The following SNTG1 variants were observed in gnomAD, a reference collection of about 807,000 sequenced individuals.
SNTG1 encodes the protein syntrophin gamma 1, also known as gamma-1-syntrophin.
Under a neutral mutation model 74.7 loss-of-function variants are expected in SNTG1, and 39 were observed. The observed-to-expected ratio is 0.52, with a 90% CI of 0.40 to 0.68. SNTG1 has a LOEUF of 0.68. Ranked by LOEUF, SNTG1 falls within the 30% of genes least tolerant of loss-of-function variation. SNTG1 has a pLI of 0.00. For missense variants in SNTG1, 685 were observed against 609.5 expected (o/e 1.12, Z -1.30); for synonymous variants, 254 against 217.1 (o/e 1.17, Z -1.49).
intron 11 of SNTG1, among the ~76,000 whole-genome samples, chr8:50,541,137 T>C (rs1281027113): frequency 6.6e-6 from 1 of 152,108 alleles, no homozygotes. Flanking sequence ...TGGGAAATAG[T>C]ATTTTCATTT....
At chr8:50,256,121 C>T (rs988909003) in intron 2 of SNTG1, among the ~76,000 whole-genome samples, 2 of 152,128 alleles carry the variant, frequency 1.3e-5, no homozygotes, top group African/African-American at 4.8e-5. Context: ...TAGGATTTCT[C>T]TTCACCGACA....
At chr8:50,221,112 C>T (rs1206205010) in intron 2 of SNTG1, among the ~76,000 whole-genome samples, 1 of 151,984 alleles carries the variant, frequency 6.6e-6, no homozygotes, top group African/African-American at 2.4e-5. Flanking sequence ...CATTAAAACT[C>T]CTATATATTT....
chr8:50,491,784 T>C (rs1259240293), intron 8 of SNTG1, among the ~76,000 whole-genome samples: 2 of 152,094 alleles, frequency 1.3e-5, no homozygotes, highest in Non-Finnish European at 2.9e-5. Flanking sequence ...GTTTGTTACA[T>C]AGGTATACTT....
intron 2 of SNTG1, among the ~76,000 whole-genome samples, chr8:50,307,252 G>C (rs2089938523): frequency 6.6e-6 from 1 of 151,912 alleles, no homozygotes; most frequent in Non-Finnish European, 1.5e-5. Context: ...AGACTAATGG[G>C]TCTTAGGATA....
At chr8:50,559,627 A>G (rs952165218) in intron 12 of SNTG1, among the ~76,000 whole-genome samples, 3 of 152,190 alleles carry the variant, frequency 2.0e-5, no homozygotes, top group Non-Finnish European at 4.4e-5. Flanking sequence ...AGAACTTGGA[A>G]AGGATTCCCT....
intron 4 of SNTG1, among the ~76,000 whole-genome samples, chr8:50,432,258 GA>G (rs998545479): frequency 6.6e-6 from 1 of 151,524 alleles, no homozygotes; most frequent in African/African-American, 2.4e-5. Context: ...CTGTTTGTTG[GA>G]AAAAAATATC....
intron 17 of SNTG1, among the ~76,000 whole-genome samples, chr8:50,719,582 GT>G (rs1275270147): frequency 1.3e-5 from 2 of 152,114 alleles, no homozygotes; most frequent in Admixed American, 6.5e-5. Context: ...ACAAAACAAA[GT>G]TTTTTGCTAT....
intron 1 of SNTG1, among the ~76,000 whole-genome samples, chr8:49,992,714 T>C (rs1278102849): frequency 2.0e-5 from 3 of 152,220 alleles, no homozygotes; most frequent in Non-Finnish European, 4.4e-5. Flanking sequence ...ATTAAATGCT[T>C]TGCCATCGCT....
intron 17 of SNTG1, among the ~76,000 whole-genome samples, chr8:50,735,553 TGTGAA>T (rs1174376724): frequency 6.6e-6 from 1 of 151,696 alleles, no homozygotes; most frequent in African/African-American, 2.4e-5. Flanking sequence ...TGAAATAAAG[TGTGAA>T]GACAAGATTA....
At chr8:50,469,920 A>G (rs9969544) in intron 8 of SNTG1, among the ~76,000 whole-genome samples, 110,186 of 152,096 alleles carry the variant, frequency 0.72, 41,531 homozygotes, top group East Asian at 0.85. Flanking sequence ...AGAGGTTGCA[A>G]TGAGCCAAGA....
chr8:50,274,501 A>C (rs1408711489), intron 2 of SNTG1, among the ~76,000 whole-genome samples: 3 of 152,138 alleles, frequency 2.0e-5, no homozygotes, highest in Non-Finnish European at 4.4e-5. Flanking sequence ...AATAAAAAAA[A>C]AGTTTTTACA....
intron 2 of SNTG1, among the ~76,000 whole-genome samples, chr8:50,271,144 G>A (rs1198908035): frequency 6.6e-6 from 1 of 152,118 alleles, no homozygotes; most frequent in Admixed American, 6.6e-5. Flanking sequence ...GTGATTAAGG[G>A]AGAAGATTAT....
intron 1 of SNTG1, among the ~76,000 whole-genome samples, chr8:49,977,886 G>A (rs532823146): frequency 3.9e-5 from 6 of 152,318 alleles, no homozygotes; most frequent in East Asian, 3.9e-4. Flanking sequence ...CTGCTTGGGC[G>A]TTAGACGGTC....
intron 1 of SNTG1, among the ~76,000 whole-genome samples, chr8:50,054,601 G>A (rs1819868351): frequency 2.0e-5 from 3 of 152,022 alleles, no homozygotes. Context: ...CATTGTTCAA[G>A]GTAAGGTATA....
chr8:50,128,546 A>C (rs555924640), intron 1 of SNTG1, among the ~76,000 whole-genome samples: 1 of 152,266 alleles, frequency 6.6e-6, no homozygotes, highest in African/African-American at 2.4e-5. Flanking sequence ...CCAGATAAAT[A>C]AACCATATAT....
chr8:50,082,987 T>G (rs1822548771), intron 1 of SNTG1, among the ~76,000 whole-genome samples: 1 of 152,156 alleles, frequency 6.6e-6, no homozygotes, highest in South Asian at 2.1e-4. Flanking sequence ...GATTTCCAGT[T>G]TAATGTATAA....
intron 17 of SNTG1, among the ~76,000 whole-genome samples, chr8:50,734,813 CTATATATATGGACATATATATATCTA>C (rs2095522606): frequency 2.6e-5 from 2 of 76,828 alleles, no homozygotes; most frequent in African/African-American, 1.2e-4. Context: ...ATATAGATAT[CTATATATATGGACATATATATATCTA>C]TATATATGGA....
At chr8:50,142,973 C>T (rs1362360088) in intron 1 of SNTG1, among the ~76,000 whole-genome samples, 1 of 151,944 alleles carries the variant, frequency 6.6e-6, no homozygotes, top group African/African-American at 2.4e-5. Context: ...ACTCGGGAGG[C>T]TGAGACATGA....
intron 1 of SNTG1, among the ~76,000 whole-genome samples, chr8:49,995,391 A>G (rs532206869): frequency 8.5e-5 from 13 of 152,344 alleles, no homozygotes; most frequent in African/African-American, 3.1e-4. Context: ...GTTTGAGAAT[A>G]GAGAAATTGT....
Sources: allele counts gnomAD v4.1 joint callset (sites outside exome capture counted in the v4.1 genomes callset), GRCh38; gene constraint gnomAD v4.1.1; transcripts MANE v1.5; gene names NCBI Gene and HGNC (gene_info 2026-07-23, HGNC 2026-07-21).